The following HCN1 variants were observed in gnomAD, a reference collection of about 807,000 sequenced individuals.
The protein encoded by HCN1 is hyperpolarization activated cyclic nucleotide gated potassium channel 1.
A neutral mutation model predicts 78.9 loss-of-function variants in HCN1; 13 were observed. The observed-to-expected ratio is 0.16, with a 90% CI of 0.11 to 0.26. HCN1 has a LOEUF of 0.26. HCN1 is among the 10% of genes least tolerant of loss of function. HCN1 has a pLI of 1.00. For synonymous variants in HCN1, 552 were observed against 455.5 expected (o/e 1.21, Z -2.70); for missense variants, 810 against 1,154.3 (o/e 0.70, Z 4.32).
intron 2 of HCN1, among the ~76,000 whole-genome samples, chr5:45,597,331 C>G (rs1413619038): frequency 1.3e-5 from 2 of 152,146 alleles, no homozygotes; most frequent in Non-Finnish European, 2.9e-5. Flanking sequence ...ATGATTATCT[C>G]AATAGATGCA....
chr5:45,335,100 G>A (rs987164390), intron 5 of HCN1, among the ~76,000 whole-genome samples: 1 of 151,950 alleles, frequency 6.6e-6, no homozygotes, highest in African/African-American at 2.4e-5. Context: ...CACATGATCT[G>A]TACCTATTTT....
intron 4 of HCN1, among the ~76,000 whole-genome samples, chr5:45,372,405 A>G (rs1449373643): frequency 5.9e-5 from 7 of 119,074 alleles, no homozygotes; most frequent in African/African-American, 2.3e-4. Context: ...TATATAAAAT[A>G]TAATTATATA....
At chr5:45,686,338 C>T (rs1182205429) in intron 1 of HCN1, among the ~76,000 whole-genome samples, 2 of 151,850 alleles carry the variant, frequency 1.3e-5, no homozygotes, top group African/African-American at 4.8e-5. Context: ...ATTCAACCAC[C>T]ATAATTGTTT....
At chr5:45,608,357 A>ATGTGTGTGTGTGTG (rs397970171) in intron 2 of HCN1, among the ~76,000 whole-genome samples, 154 of 140,506 alleles carry the variant, frequency 1.1e-3, no homozygotes, top group East Asian at 2.6e-3. Context: ...GGATGGGTGT[A>ATGTGTGTGTGTGTG]TGTGTGTGTG....
At chr5:45,325,419 T>G (rs140944490) in intron 5 of HCN1, among the ~76,000 whole-genome samples, 235 of 151,820 alleles carry the variant, frequency 1.5e-3, no homozygotes, top group African/African-American at 5.4e-3. Context: ...ATTCAATACA[T>G]GATGATTGTA....
chr5:45,374,687 A>C (rs1178477239), intron 4 of HCN1, among the ~76,000 whole-genome samples: 1 of 150,794 alleles, frequency 6.6e-6, no homozygotes, highest in African/African-American at 2.4e-5. Context: ...GGCAGAGACA[A>C]CAAAAAAAGA....
At chr5:45,514,665 C>A (rs1742484668) in intron 2 of HCN1, among the ~76,000 whole-genome samples, 1 of 152,036 alleles carries the variant, frequency 6.6e-6, no homozygotes. Flanking sequence ...CCTCATCCTG[C>A]CTCAGCTTGG....
intron 1 of HCN1, among the ~76,000 whole-genome samples, chr5:45,665,801 G>T (rs1292007559): frequency 6.6e-6 from 1 of 152,072 alleles, no homozygotes; most frequent in Non-Finnish European, 1.5e-5. Context: ...GAATTAAACT[G>T]TGCCAAAACT....
chr5:45,404,693 CAAAAAAAAAAAAAA>C (rs60728403), intron 3 of HCN1, among the ~76,000 whole-genome samples: 6 of 56,236 alleles, frequency 1.1e-4, no homozygotes, highest in Non-Finnish European at 2.1e-4. Flanking sequence ...GGGCTATTTG[CAAAAAAAAAAAAAA>C]AAAAAAAAAA....
intron 5 of HCN1, among the ~76,000 whole-genome samples, chr5:45,352,444 C>T (rs1228935725): frequency 6.6e-6 from 1 of 151,896 alleles, no homozygotes; most frequent in Non-Finnish European, 1.5e-5. Context: ...TTAATGGGTG[C>T]AGCACACCAG....
At position 45,262,676 on chromosome 5, in the gene HCN1, T is replaced by C. The variant is rs1466860200; in HGVS notation, c.1918A>G (p.Asn640Asp). 2 of 1,614,092 alleles carry C rather than the reference T, an allele frequency of 1.2e-6. No homozygotes were observed. Among genetic ancestry groups the C allele is most frequent in the South Asian group, 2.2e-5 (2 of 91,078 alleles). ...REMVQAIAPI[N>D]YPQMTTLNST... ...TTCAGGGTTGTCATTTGAGGATAAT[T>C]GATGGGAGCGATTGCCTGCACCATC... is the stretch of plus-strand genomic sequence containing the variant. Residue 640 changes from asparagine to aspartate, a missense_variant, in exon 8 of 8, where the codon AAT becomes GAT. This residue lies in a region of HCN1 where 398 missense variants were observed against 381.3 expected (regional missense o/e 1.04). Coordinates refer to ENST00000303230, the MANE Select transcript of HCN1 (RefSeq NM_021072.4).
intron 2 of HCN1, among the ~76,000 whole-genome samples, chr5:45,536,577 T>C (rs536873129): frequency 2.6e-4 from 39 of 152,324 alleles, no homozygotes; most frequent in South Asian, 1.0e-3. Context: ...TGTGTATTCA[T>C]TATATTCCTT....
chr5:45,396,726 A>C lies in HCN1; in HGVS notation c.1012-16T>G, dbSNP rs867370647. The C allele has an allele frequency of 9.3e-6, 15 of 1,605,164 alleles. No homozygotes were observed. The Middle Eastern group carries it at 2.5e-3, about 272-fold the overall frequency. Reference sequence around the variant, plus strand: ...AAGAATCATTCTGCAACATAAGATAAAAAGAAAATTGACTGAGCCATTAGG... The same window carrying C: ...AAGAATCATTCTGCAACATAAGATACAAAGAAAATTGACTGAGCCATTAGG... On this transcript the variant is annotated splice_polypyrimidine_tract_variant and intron_variant, in intron 3 of 7. Coordinates refer to ENST00000303230, the MANE Select transcript of HCN1 (RefSeq NM_021072.4).
At chr5:45,520,439 C>G (rs1012427946) in intron 2 of HCN1, among the ~76,000 whole-genome samples, 4 of 152,014 alleles carry the variant, frequency 2.6e-5, no homozygotes, top group African/African-American at 7.2e-5. Context: ...ATTTATGCAA[C>G]TTGTCTTATT....
At chr5:45,667,631 C>A (rs1470909982) in intron 1 of HCN1, among the ~76,000 whole-genome samples, 1 of 151,974 alleles carries the variant, frequency 6.6e-6, no homozygotes, top group Non-Finnish European at 1.5e-5. Context: ...TGCCTAGGAT[C>A]AATCTAAATG....
chr5:45,695,562 C>A lies in HCN1; in HGVS notation c.425+107G>T, dbSNP rs565807677. On this transcript the variant is annotated intron_variant, in intron 1 of 7. Coordinates refer to ENST00000303230, the MANE Select transcript of HCN1 (RefSeq NM_021072.4). ...GAGCCGACGCCGCCGGCAGCGCCAC[C>A]CCCCGCCCGCCCTCCTAGTCCCCGG... The A allele has an allele frequency of 6.5e-4, 747 of 1,156,634 alleles. 4 individuals are homozygous for A. The African/African-American group carries it at 9.7e-3, about 15-fold the overall frequency. 71.6% of individuals were successfully genotyped at this position (1,156,634 alleles called of 1,614,324 possible).
intron 4 of HCN1, among the ~76,000 whole-genome samples, chr5:45,394,595 C>T (rs886462538): frequency 5.9e-5 from 9 of 152,076 alleles, no homozygotes; most frequent in Admixed American, 1.3e-4. Context: ...AAAATGAGTA[C>T]AGAACTTTAG....
chr5:45,412,621 A>G lies in HCN1; in HGVS notation c.1012-15911T>C, dbSNP rs546015322. 4.6e-5 allele frequency among the ~76,000 whole-genome samples: 7 copies of G among 152,216 alleles called. No homozygotes were observed. In the South Asian group the frequency reaches 1.4e-3, roughly 31 times the overall value. ...CTCTCTATTTACATAAGAAAGTAAA[A>G]TCAATGGCAATGTCTCTGGAAGGCT... On this transcript the variant is annotated intron_variant, in intron 3 of 7. Coordinates refer to ENST00000303230, the MANE Select transcript of HCN1 (RefSeq NM_021072.4).
At chr5:45,484,756 C>T (rs1329851376) in intron 2 of HCN1, among the ~76,000 whole-genome samples, 2 of 152,168 alleles carry the variant, frequency 1.3e-5, no homozygotes, top group African/African-American at 4.8e-5. Flanking sequence ...CTAATTGACA[C>T]AGTGCTTATA....
Sources: allele counts gnomAD v4.1 joint callset (sites outside exome capture counted in the v4.1 genomes callset), GRCh38; gene constraint gnomAD v4.1.1; regional missense constraint gnomAD v4.1.1; transcripts MANE v1.5; gene names NCBI Gene and HGNC (gene_info 2026-07-23, HGNC 2026-07-21).